NRXN1: variants seen among roughly 807,000 people sequenced by gnomAD.
The protein encoded by NRXN1 is neurexin 1, also known as neurexin-1.
Under a neutral mutation model 150.9 loss-of-function variants are expected in NRXN1, and 39 were observed. That is an observed-to-expected ratio of 0.26 (90% CI 0.20 to 0.34). The LOEUF (loss-of-function observed/expected upper bound fraction) is 0.34. NRXN1 is among the 10% of genes least tolerant of loss of function. The pLI, the probability that NRXN1 is intolerant of heterozygous loss-of-function variation, is 1.00. For missense variants in NRXN1, 1,815 were observed against 1,949.9 expected, an observed-to-expected ratio of 0.93 and a Z score of 1.30; for synonymous variants, 924 against 757.0, an observed-to-expected ratio of 1.22 and a Z score of -3.62.
intron 21 of NRXN1, among the ~76,000 whole-genome samples, chr2:50,021,721 A>T (rs1355430548): frequency 2.0e-5 from 3 of 152,204 alleles, no homozygotes; most frequent in Non-Finnish European, 2.9e-5. Flanking sequence ...AAAAATTTTT[A>T]AAAATGTAAT....
At chr2:50,607,070 A>C (rs2104014714) in intron 8 of NRXN1, among the ~76,000 whole-genome samples, 1 of 152,268 alleles carries the variant, frequency 6.6e-6, no homozygotes, top group African/African-American at 2.4e-5. Context: ...TTTGGAACAA[A>C]TAGCCTCCAA....
chr2:50,037,087 A>T (rs1282452892), intron 21 of NRXN1, among the ~76,000 whole-genome samples: 1 of 152,224 alleles, frequency 6.6e-6, no homozygotes, highest in Non-Finnish European at 1.5e-5. Context: ...AACATTTTTT[A>T]AAGACAAAAT....
intron 7 of NRXN1, 30 bp from the exon 8 acceptor site, chr2:50,620,213 G>A (rs200164370): frequency 4.4e-6 from 7 of 1,608,980 alleles, no homozygotes; most frequent in African/African-American, 1.3e-5. Flanking sequence ...GAAAGGACAC[G>A]CTATACTCAG....
intron 12 of NRXN1, among the ~76,000 whole-genome samples, chr2:50,508,156 T>C (rs1026886714): frequency 3.3e-5 from 5 of 152,178 alleles, no homozygotes; most frequent in African/African-American, 9.6e-5. Flanking sequence ...AATTCAAGTG[T>C]TGTATCCTTG....
chr2:50,376,764 G>C (rs577777547), intron 17 of NRXN1, among the ~76,000 whole-genome samples: 2 of 152,128 alleles, frequency 1.3e-5, no homozygotes, highest in African/African-American at 4.8e-5. Flanking sequence ...TCAGAGCTAG[G>C]ATAAAGAATC....
chr2:50,827,791 G>A (rs1247627593), intron 5 of NRXN1, among the ~76,000 whole-genome samples: 1 of 150,604 alleles, frequency 6.6e-6, no homozygotes, highest in African/African-American at 2.4e-5. Context: ...CTTGAGATTA[G>A]GGAGTGGTGA....
chr2:50,098,400 G>C (rs1282619650), intron 18 of NRXN1, among the ~76,000 whole-genome samples: 1 of 151,996 alleles, frequency 6.6e-6, no homozygotes, highest in Non-Finnish European at 1.5e-5. Context: ...ATCTCTGGAA[G>C]CCTCAAACTG....
intron 8 of NRXN1, among the ~76,000 whole-genome samples, chr2:50,584,104 T>C (rs1672709603): frequency 6.6e-6 from 1 of 152,224 alleles, no homozygotes. Context: ...TTCTGATTTC[T>C]AGTTTGGGCC....
chr2:50,123,521 C>T (rs1003743168), intron 18 of NRXN1, among the ~76,000 whole-genome samples: 1 of 152,054 alleles, frequency 6.6e-6, no homozygotes, highest in African/African-American at 2.4e-5. Context: ...GATAGGTACT[C>T]ATTAGAAGGT....
intron 21 of NRXN1, among the ~76,000 whole-genome samples, chr2:50,051,418 C>T (rs1466460521): frequency 6.6e-6 from 1 of 151,966 alleles, no homozygotes; most frequent in Non-Finnish European, 1.5e-5. Flanking sequence ...AAATTATATT[C>T]ATAAAAGCAT....
At chr2:50,173,506 T>C (rs1161955131) in intron 18 of NRXN1, among the ~76,000 whole-genome samples, 2 of 152,104 alleles carry the variant, frequency 1.3e-5, no homozygotes, top group Non-Finnish European at 2.9e-5. Flanking sequence ...GACAACAACG[T>C]TCATTCAGCC....
chr2:50,747,664 C>A (rs943418458), intron 5 of NRXN1, among the ~76,000 whole-genome samples: 2 of 152,048 alleles, frequency 1.3e-5, no homozygotes, highest in Non-Finnish European at 2.9e-5. Flanking sequence ...ATTCTATTAT[C>A]TTTGGTAATT....
At position 50,346,628 on chromosome 2, in the gene NRXN1, A is replaced by C. The variant is rs528368525; in HGVS notation, c.3365-109658T>G. On this transcript the variant is annotated intron_variant, in intron 17 of 22. Transcript: ENST00000401669. This position sits in a 1 kb window ranked among gnomAD's most constrained non-coding sequence, Gnocchi z 5.0. ...TCTGAGCCTTAGGAGCCCAGGAGCG[A>C]GTGCAGGGTAGAAAGAGGGGAGCGA... 5.1e-4 allele frequency: 784 copies of C among 1,549,234 alleles called. 11 individuals are homozygous for C. The South Asian group carries it at 8.4e-3, about 17-fold the overall frequency.
At chr2:50,651,028 T>C (rs1347046009) in intron 5 of NRXN1, among the ~76,000 whole-genome samples, 1 of 152,070 alleles carries the variant, frequency 6.6e-6, no homozygotes, top group Non-Finnish European at 1.5e-5. Flanking sequence ...GTAACCTTTG[T>C]TACCTGGCAC....
intron 2 of NRXN1, among the ~76,000 whole-genome samples, chr2:50,943,492 A>G (rs1689820572): frequency 6.6e-6 from 1 of 152,182 alleles, no homozygotes; most frequent in South Asian, 2.1e-4. Flanking sequence ...CTCTTTTTAG[A>G]CCAGTGCTAT....
intron 5 of NRXN1, among the ~76,000 whole-genome samples, chr2:50,627,043 T>C (rs531814809): frequency 6.6e-6 from 1 of 151,982 alleles, no homozygotes; most frequent in South Asian, 2.1e-4. Flanking sequence ...TCAGATACCA[T>C]TTCATAGCCA....
At chr2:50,525,258 T>C (rs572834600) in intron 12 of NRXN1, among the ~76,000 whole-genome samples, 1 of 152,378 alleles carries the variant, frequency 6.6e-6, no homozygotes, top group South Asian at 2.1e-4. Context: ...TAATATTTAG[T>C]TTTTGTTAGT....
At chr2:50,428,662 T>G (rs1260013334) in intron 17 of NRXN1, among the ~76,000 whole-genome samples, 1 of 152,228 alleles carries the variant, frequency 6.6e-6, no homozygotes, top group African/African-American at 2.4e-5. Context: ...CTTTGCTAAC[T>G]GTCTAATCTG....
At chr2:50,616,136 A>G (rs1679021045) in intron 8 of NRXN1, 1 of 151,984 alleles carries the variant, frequency 6.6e-6, no homozygotes, top group South Asian at 2.1e-4. Context: ...GAGTACAGAT[A>G]TTTTCCCAGA....
Sources: allele counts gnomAD v4.1 joint callset (sites outside exome capture counted in the v4.1 genomes callset), GRCh38; gene constraint gnomAD v4.1.1; non-coding constraint Gnocchi (gnomAD v3.1); transcripts MANE v1.5; gene names NCBI Gene and HGNC (gene_info 2026-07-23, HGNC 2026-07-21).